RAB6A: variants seen among roughly 807,000 people sequenced by gnomAD.
RAB6A encodes the protein ras-related protein Rab-6A.
Under a neutral mutation model 32.3 loss-of-function variants are expected in RAB6A, and 8 were observed. That is an observed-to-expected ratio of 0.25 (90% CI 0.15 to 0.45). The LOEUF (loss-of-function observed/expected upper bound fraction) is 0.45, where lower values mean the gene tolerates loss of function less well. Among genes scored for constraint, RAB6A ranks in the 20% least tolerant of loss-of-function variants. The pLI is 1.00. For synonymous variants in RAB6A, 73 were observed against 82.1 expected, an observed-to-expected ratio of 0.89 and a Z score of 0.60; for missense variants, 104 against 249.4, an observed-to-expected ratio of 0.42 and a Z score of 3.93.
intron 6 of RAB6A, among the ~76,000 whole-genome samples, chr11:73,700,419 G>A (rs1945721501): frequency 2.0e-5 from 3 of 151,894 alleles, no homozygotes; most frequent in African/African-American, 7.3e-5. Context: ...CCATCTCTAG[G>A]AAAAATAAAT....
intron 6 of RAB6A, chr11:73,704,118 C>T (rs1482918655): frequency 5.6e-6 from 2 of 356,230 alleles, no homozygotes; most frequent in Non-Finnish European, 1.2e-5. Flanking sequence ...CAGAGGGGCT[C>T]ATACCTATAA....
At chr11:73,747,138 A>G (rs1474718784) in intron 1 of RAB6A, among the ~76,000 whole-genome samples, 1 of 152,066 alleles carries the variant, frequency 6.6e-6, no homozygotes, top group Non-Finnish European at 1.5e-5. Flanking sequence ...TGGCTTATAG[A>G]AAAGCTATAA....
rs531812882 is a variant in RAB6A, at chr11:73,676,461, C to T, written c.*1437G>A. ...GAAGCTCTAAATAGATTCAACGAAA[C>T]ATCTGAAGATTGAAAGTTGTTAAAA... On this transcript the variant is annotated 3_prime_UTR_variant, in exon 8 of 8. Coordinates refer to ENST00000336083, the MANE Select transcript of RAB6A (RefSeq NM_198896.2). 6 of 163,980 alleles carry T rather than the reference C, an allele frequency of 3.7e-5. No homozygotes were observed. The highest frequency in any genetic ancestry group is 7.4e-5 in the Non-Finnish European group (5 of 67,532). The allele number at this position is 163,980 out of a possible 1,614,324, so 10.2% of individuals were successfully genotyped here.
intron 1 of RAB6A, among the ~76,000 whole-genome samples, chr11:73,736,825 A>AAAAC (rs1555066486): frequency 9.5e-6 from 1 of 105,442 alleles, no homozygotes; most frequent in Non-Finnish European, 2.0e-5. Context: ...AAAAAAAAAA[A>AAAAC]ACAATTAGCC....
intron 2 of RAB6A, among the ~76,000 whole-genome samples, chr11:73,727,622 T>C (rs1020344018): frequency 1.3e-5 from 2 of 152,136 alleles, no homozygotes; most frequent in Non-Finnish European, 2.9e-5. Context: ...GCTCATTACA[T>C]AGCTTTCCTA....
intron 1 of RAB6A, among the ~76,000 whole-genome samples, chr11:73,751,175 G>A (rs1035621834): frequency 5.9e-5 from 9 of 152,050 alleles, no homozygotes; most frequent in Non-Finnish European, 1.2e-4. Context: ...AGCTACTCAG[G>A]AGGCTGAGGC....
At chr11:73,718,130 T>C (rs1946078504) in intron 4 of RAB6A, among the ~76,000 whole-genome samples, 1 of 152,094 alleles carries the variant, frequency 6.6e-6, no homozygotes, top group Admixed American at 6.6e-5. Context: ...AATAGAAAAC[T>C]GTACATTATG....
intron 7 of RAB6A, among the ~76,000 whole-genome samples, chr11:73,678,651 C>A (rs1194039625): frequency 6.6e-6 from 1 of 150,820 alleles, no homozygotes; most frequent in African/African-American, 2.4e-5. Context: ...GGACATACTT[C>A]AACTCAATAG....
At chr11:73,738,781 C>A (rs750782639) in intron 1 of RAB6A, among the ~76,000 whole-genome samples, 2 of 151,688 alleles carry the variant, frequency 1.3e-5, no homozygotes, top group African/African-American at 2.4e-5. Context: ...CCCGTCTCTA[C>A]TAAAAATACA....
intron 1 of RAB6A, among the ~76,000 whole-genome samples, chr11:73,741,530 G>GAA (rs966737847): frequency 1.2e-4 from 17 of 141,592 alleles, no homozygotes; most frequent in African/African-American, 4.2e-4. Flanking sequence ...ATCTGCACAA[G>GAA]AAAAAAAAAA....
chr11:73,718,981 G>A, intron 3 of RAB6A: 1 of 1,216,882 alleles, frequency 8.2e-7, no homozygotes, highest in Non-Finnish European at 1.1e-6. Context: ...AAGGGAGAGG[G>A]TGGGAAGGAA....
intron 6 of RAB6A, among the ~76,000 whole-genome samples, chr11:73,684,884 T>C (rs534141021): frequency 6.6e-6 from 1 of 152,370 alleles, no homozygotes; most frequent in Non-Finnish European, 1.5e-5. Context: ...ATATACATAT[T>C]GGAGGCCAGA....
intron 1 of RAB6A, among the ~76,000 whole-genome samples, chr11:73,759,798 T>A (rs184213014): frequency 3.0e-4 from 45 of 152,062 alleles, no homozygotes; most frequent in African/African-American, 1.1e-3. Context: ...CTGGCAGAGA[T>A]TGAAAAATCA....
At chr11:73,721,897 TTTTA>T (rs1946137063) in intron 2 of RAB6A, among the ~76,000 whole-genome samples, 1 of 152,168 alleles carries the variant, frequency 6.6e-6, no homozygotes, top group Non-Finnish European at 1.5e-5. Flanking sequence ...CAGTTGGGGA[TTTTA>T]TTTCTGTTAG....
intron 1 of RAB6A, among the ~76,000 whole-genome samples, chr11:73,742,107 C>A (rs988780043): frequency 1.1e-4 from 16 of 151,872 alleles, no homozygotes; most frequent in African/African-American, 3.6e-4. Context: ...TATGGTGAAA[C>A]CCTGTCTCTA....
At chr11:73,742,045 G>A (rs1946504476) in intron 1 of RAB6A, among the ~76,000 whole-genome samples, 1 of 152,164 alleles carries the variant, frequency 6.6e-6, no homozygotes, top group Non-Finnish European at 1.5e-5. Context: ...ACGTTGGGAG[G>A]CTGAGGCAGG....
chr11:73,739,392 G>C (rs868267464), intron 1 of RAB6A, among the ~76,000 whole-genome samples: 2 of 145,060 alleles, frequency 1.4e-5, no homozygotes, highest in East Asian at 2.1e-4. Context: ...GGTTGGTCTC[G>C]AACTCCTGGG....
In RAB6A at chr11:73,676,658, T is replaced by G. The variant is rs1183793272; in HGVS notation, c.*1240A>C. Reference sequence around the variant, plus strand: ...AAATAAGGCATAAATCTGCATAATATTGAGTTTTATTTCCATTCTCTCCTT... The same window carrying G: ...AAATAAGGCATAAATCTGCATAATAGTGAGTTTTATTTCCATTCTCTCCTT... On this transcript the variant is annotated 3_prime_UTR_variant, in exon 8 of 8. Coordinates refer to ENST00000336083, the MANE Select transcript of RAB6A (RefSeq NM_198896.2). 6.0e-6 allele frequency: 1 copy of G among 167,070 alleles called. No individual in the cohort carries two copies. Among genetic ancestry groups the G allele is most frequent in the East Asian group, 1.9e-4 (1 of 5,208 alleles). 10.3% of individuals were successfully genotyped at this position (167,070 alleles called of 1,614,324 possible).
chr11:73,731,731 TACACACACACACAC>T (rs148400595), intron 1 of RAB6A, among the ~76,000 whole-genome samples: 4 of 16,934 alleles, frequency 2.4e-4, no homozygotes, highest in Non-Finnish European at 3.5e-4. Context: ...TATATATATA[TACACACACACACAC>T]ATATTTTCTT....
Sources: gnomAD v4.1 joint callset for allele counts (sites outside exome capture counted in the v4.1 genomes callset) on GRCh38, gnomAD v4.1.1 for gene constraint, MANE v1.5 for transcripts, NCBI Gene and HGNC (gene_info 2026-07-23, HGNC 2026-07-21) for gene names.